The following CSRNP3 variants were observed in gnomAD, a reference collection of about 807,000 sequenced individuals.
The protein encoded by CSRNP3 is cysteine/serine-rich nuclear protein 3.
A neutral mutation model predicts 48.0 loss-of-function variants in CSRNP3; 12 were observed. The observed-to-expected ratio is 0.25, with a 90% confidence interval of 0.16 to 0.41. The LOEUF (loss-of-function observed/expected upper bound fraction) is 0.41, where lower values mean the gene tolerates loss of function less well. Among genes scored for constraint, CSRNP3 ranks in the 10% least tolerant of loss-of-function variants. CSRNP3 has a pLI of 1.00. For synonymous variants in CSRNP3, 263 were observed against 269.7 expected (o/e 0.98, Z 0.24); for missense variants, 580 against 724.4 (o/e 0.80, Z 2.29).
chr2:165,679,759 T>C lies in CSRNP3; in HGVS notation c.*6T>C. On this transcript the variant is annotated 3_prime_UTR_variant, in exon 7 of 7. Transcript: ENST00000651982. ...TTGAGACAGTCCCTGTTTAGTAGCTTAAATTATTCTAGGACCAACTCTTCT... is the reference window on the plus strand; with the variant it reads ...TTGAGACAGTCCCTGTTTAGTAGCTCAAATTATTCTAGGACCAACTCTTCT... 6.2e-7 allele frequency: 1 copy of C among 1,607,274 alleles called. No homozygotes were observed. Among genetic ancestry groups the C allele is most frequent in the Non-Finnish European group, 8.5e-7 (1 of 1,175,696 alleles).
intron 3 of CSRNP3, among the ~76,000 whole-genome samples, chr2:165,540,598 C>G (rs1308935204): frequency 6.6e-6 from 1 of 152,096 alleles, no homozygotes; most frequent in Non-Finnish European, 1.5e-5. Flanking sequence ...CCTGGAGACT[C>G]ATGCAGACAT....
Position 165,686,781 on chromosome 2 carries a change from G to A in CSRNP3, c.*7028G>A, listed in dbSNP as rs1687637748. The stretch of plus-strand genomic sequence containing the variant: ...CTGAACCCTGATTCATTAGGCACTA[G>A]TCATGCCAAATGGGGATCTCAGAAT... On this transcript the variant is annotated 3_prime_UTR_variant, in exon 7 of 7. Coordinates refer to ENST00000651982, the MANE Select transcript of CSRNP3 (RefSeq NM_001172173.2). 6.6e-6 allele frequency: 1 copy of A among 152,076 alleles called. No homozygotes were observed. The highest frequency in any genetic ancestry group is 1.5e-5 in the Non-Finnish European group (1 of 68,000). The allele number at this position is 152,076 out of a possible 1,614,324, so 9.4% of individuals were successfully genotyped here. A position where few individuals can be genotyped will look rare whatever the true frequency, so the allele number is the denominator to read the frequency against.
At chr2:165,550,645 A>G (rs1301724673) in intron 3 of CSRNP3, among the ~76,000 whole-genome samples, 1 of 152,224 alleles carries the variant, frequency 6.6e-6, no homozygotes, top group African/African-American at 2.4e-5. Context: ...TTTCCAGAAC[A>G]CCATCAAGGC....
At chr2:165,626,509 T>C (rs1686438603) in intron 4 of CSRNP3, among the ~76,000 whole-genome samples, 2 of 152,232 alleles carry the variant, frequency 1.3e-5, no homozygotes, top group Admixed American at 1.3e-4. Context: ...TTCAAAGTAC[T>C]GCTAACATTC....
intron 3 of CSRNP3, among the ~76,000 whole-genome samples, chr2:165,521,109 T>C (rs984877840): frequency 1.3e-5 from 2 of 151,174 alleles, no homozygotes; most frequent in Non-Finnish European, 2.9e-5. Context: ...GTGGAAAGAA[T>C]TGATGGTCAG....
intron 4 of CSRNP3, among the ~76,000 whole-genome samples, chr2:165,646,950 AT>A (rs1216585378): frequency 6.6e-6 from 1 of 152,094 alleles, no homozygotes; most frequent in Admixed American, 6.6e-5. Flanking sequence ...TGGCAGTGAA[AT>A]TTGTTTCTTA....
intron 3 of CSRNP3, among the ~76,000 whole-genome samples, chr2:165,535,508 C>T (rs1234105499): frequency 2.6e-5 from 4 of 151,676 alleles, no homozygotes; most frequent in Non-Finnish European, 5.9e-5. Flanking sequence ...ATTTAGTCTA[C>T]AAATGGACAG....
intron 3 of CSRNP3, among the ~76,000 whole-genome samples, chr2:165,575,493 G>T (rs1685434306): frequency 6.6e-6 from 1 of 152,088 alleles, no homozygotes; most frequent in Non-Finnish European, 1.5e-5. Flanking sequence ...GCCATGAAAT[G>T]ACTGCTTTAT....
At chr2:165,655,930 A>G (rs1281936007) in intron 4 of CSRNP3, among the ~76,000 whole-genome samples, 2 of 152,230 alleles carry the variant, frequency 1.3e-5, no homozygotes, top group Non-Finnish European at 2.9e-5. Context: ...TTACTTCTGT[A>G]AAGTCCCTAT....
intron 1 of CSRNP3, among the ~76,000 whole-genome samples, chr2:165,472,670 A>G (rs1683910396): frequency 6.6e-6 from 1 of 151,902 alleles, no homozygotes; most frequent in Admixed American, 6.6e-5. Context: ...CAGCTTTCCT[A>G]TTATTTTTGT....
intron 3 of CSRNP3, among the ~76,000 whole-genome samples, chr2:165,594,276 A>G (rs1685774229): frequency 1.3e-5 from 2 of 152,236 alleles, no homozygotes; most frequent in Non-Finnish European, 2.9e-5. Flanking sequence ...ACCCTAAAAT[A>G]TCTTTCCTTC....
intron 4 of CSRNP3, among the ~76,000 whole-genome samples, chr2:165,599,894 T>C (rs1170534819): frequency 1.3e-5 from 2 of 151,680 alleles, no homozygotes; most frequent in Non-Finnish European, 2.9e-5. Context: ...ATCAAATTTG[T>C]GTAGCATTAA....
At chr2:165,526,000 T>C (rs1684727916) in intron 3 of CSRNP3, among the ~76,000 whole-genome samples, 1 of 152,230 alleles carries the variant, frequency 6.6e-6, no homozygotes, top group African/African-American at 2.4e-5. Flanking sequence ...AAAAGACTAT[T>C]TTTTATCCAC....
At chr2:165,515,778 C>T (rs1574815186) in intron 2 of CSRNP3, among the ~76,000 whole-genome samples, 1 of 147,992 alleles carries the variant, frequency 6.8e-6, no homozygotes, top group South Asian at 2.2e-4. Flanking sequence ...GTTTTAATTG[C>T]AAATATCTTT....
At chr2:165,575,582 A>G (rs1685437651) in intron 3 of CSRNP3, among the ~76,000 whole-genome samples, 1 of 152,124 alleles carries the variant, frequency 6.6e-6, no homozygotes, top group Non-Finnish European at 1.5e-5. Context: ...ATTTAGTTAA[A>G]CTTAATTACT....
chr2:165,599,279 G>GAAAGAA (rs1553478313), intron 4 of CSRNP3, among the ~76,000 whole-genome samples: 4 of 73,126 alleles, frequency 5.5e-5, no homozygotes, highest in African/African-American at 3.6e-4. Context: ...AAGAAAGAGA[G>GAAAGAA]AGAGAGAAAG....
chr2:165,611,685 C>T (rs777923379), intron 4 of CSRNP3, among the ~76,000 whole-genome samples: 18 of 152,068 alleles, frequency 1.2e-4, no homozygotes, highest in South Asian at 2.1e-4. Flanking sequence ...TATTTTTAAT[C>T]TTAATTTTAC....
chr2:165,582,709 A>C (rs1475817151), intron 3 of CSRNP3, among the ~76,000 whole-genome samples: 1 of 152,212 alleles, frequency 6.6e-6, no homozygotes, highest in African/African-American at 2.4e-5. Context: ...GAAATGGTAC[A>C]ATCACCAGAG....
intron 3 of CSRNP3, among the ~76,000 whole-genome samples, chr2:165,545,903 A>G (rs1685018921): frequency 6.6e-6 from 1 of 152,194 alleles, no homozygotes; most frequent in Non-Finnish European, 1.5e-5. Context: ...TTGAATGATA[A>G]TTTACCTCAG....
Sources: allele counts gnomAD v4.1 joint callset (sites outside exome capture counted in the v4.1 genomes callset), GRCh38; gene constraint gnomAD v4.1.1; transcripts MANE v1.5; gene names NCBI Gene and HGNC (gene_info 2026-07-23, HGNC 2026-07-21).